RBFOX1: variants seen among roughly 807,000 people sequenced by gnomAD.
RBFOX1 encodes RNA binding protein fox-1 homolog 1.
RBFOX1 carries 8 observed loss-of-function variants against 57.7 expected under a neutral mutation model. That is an observed-to-expected ratio of 0.14 (90% CI 0.08 to 0.25). The LOEUF is 0.25. Ranked by LOEUF, RBFOX1 falls within the 10% of genes least tolerant of loss-of-function variation. RBFOX1 has a pLI of 1.00. For missense variants in RBFOX1, 611 were observed against 548.5 expected (o/e 1.11, Z -1.14); for synonymous variants, 326 against 222.4 (o/e 1.47, Z -4.15).
At chr16:5,366,744 A>G in intron 1 of RBFOX1, 1 of 333,082 alleles carries the variant, frequency 3.0e-6, no homozygotes, top group South Asian at 3.0e-5. Context: ...CATTCCTGTA[A>G]CAGGTGATAT....
At chr16:5,369,292 G>A (rs967183267) in intron 1 of RBFOX1, among the ~76,000 whole-genome samples, 3 of 152,146 alleles carry the variant, frequency 2.0e-5, no homozygotes, top group Admixed American at 6.5e-5. Flanking sequence ...ATAAGCCACC[G>A]TGCCTGGCCC....
chr16:5,465,835 G>T (rs575853148), intron 1 of RBFOX1, among the ~76,000 whole-genome samples: 1 of 152,324 alleles, frequency 6.6e-6, no homozygotes, highest in East Asian at 1.9e-4. Context: ...GGACTGCAAG[G>T]GTTGAATGTG....
chr16:7,259,844 G>C (rs1329725540), intron 4 of RBFOX1, among the ~76,000 whole-genome samples: 1 of 152,148 alleles, frequency 6.6e-6, no homozygotes, highest in African/African-American at 2.4e-5. Context: ...TGTGTAATAA[G>C]AATCTAGTAT....
intron 1 of RBFOX1, among the ~76,000 whole-genome samples, chr16:6,251,410 G>A (rs778627077): frequency 9.9e-5 from 15 of 152,120 alleles, no homozygotes; most frequent in Non-Finnish European, 8.8e-5. Context: ...GTCAGTGTGT[G>A]GAGGGGGCAG....
At chr16:6,495,272 C>G in intron 2 of RBFOX1, among the ~76,000 whole-genome samples, 1 of 152,162 alleles carries the variant, frequency 6.6e-6, no homozygotes, top group African/African-American at 2.4e-5. Flanking sequence ...GTGCCCGCCA[C>G]CATGCCTGGC....
chr16:6,941,439 A>G (rs1003427463), intron 3 of RBFOX1, among the ~76,000 whole-genome samples: 3 of 151,722 alleles, frequency 2.0e-5, no homozygotes, highest in Admixed American at 2.0e-4. Flanking sequence ...CTAATTTAAA[A>G]TAAACACCAA....
At position 5,370,921 on chromosome 16, in the gene RBFOX1, A is replaced by G. The variant is rs568520822; in HGVS notation, c.220-96295A>G. Among the ~76,000 whole-genome samples, 9 of 152,284 alleles carry G rather than the reference A, an allele frequency of 5.9e-5. No individual in the cohort carries two copies. The East Asian group carries it at 1.7e-3, about 29-fold the overall frequency. On this transcript the variant is annotated intron_variant, in intron 1 of 2. Coordinates refer to the RBFOX1 transcript ENST00000585867. Reference sequence around the variant, plus strand: ...TGAACTGAGCAGTGTCCATTTCCCAAATTCACATGTTGAATCCCTAACCCG... The same window carrying G: ...TGAACTGAGCAGTGTCCATTTCCCAGATTCACATGTTGAATCCCTAACCCG...
At chr16:7,305,188 CTG>C (rs1354906101) in intron 4 of RBFOX1, among the ~76,000 whole-genome samples, 1 of 151,650 alleles carries the variant, frequency 6.6e-6, no homozygotes, top group East Asian at 1.9e-4. Flanking sequence ...CTGAGGGAGT[CTG>C]TGTTTGCTTT....
At chr16:6,825,911 A>G (rs2092066463) in intron 3 of RBFOX1, among the ~76,000 whole-genome samples, 1 of 152,154 alleles carries the variant, frequency 6.6e-6, no homozygotes, top group Non-Finnish European at 1.5e-5. Flanking sequence ...GAATCGTGTG[A>G]CTTTAAATTC....
intron 3 of RBFOX1, among the ~76,000 whole-genome samples, chr16:6,802,372 T>A (rs113110153): frequency 2.0e-5 from 3 of 152,168 alleles, no homozygotes; most frequent in Admixed American, 6.5e-5. Flanking sequence ...TTTTAACAGT[T>A]AATGTTAGAA....
Position 7,664,571 on chromosome 16 carries a change from A to T in RBFOX1, c.891-358A>T, listed in dbSNP as rs374174424. On this transcript the variant is annotated intron_variant, in intron 12 of 15. Transcript: ENST00000550418. ...GTGGGGTAGGGGGCTATGTGGTTTG[A>T]TTGCCAACTCTGACCTGTTAAGATG... Among the ~76,000 whole-genome samples the T allele has an allele frequency of 2.7e-4, 41 of 152,174 alleles. No homozygotes were observed. In the South Asian group the frequency reaches 3.1e-3, roughly 12 times the overall value.
chr16:5,339,112 C>T lies in RBFOX1; in HGVS notation c.219+99007C>T, dbSNP rs1457046089. Among the ~76,000 whole-genome samples, 3 of 152,014 alleles carry T rather than the reference C, an allele frequency of 2.0e-5. 1 individual carries two copies. The highest frequency in any genetic ancestry group is 4.8e-5 in the African/African-American group (2 of 41,376). ...GTACAGTAGATCTCTTGAACTCATT[C>T]CTCCTGTATAGCTGAAATGTTGTGT... On this transcript the variant is annotated intron_variant, in intron 1 of 2. Transcript: ENST00000585867.
chr16:6,124,663 C>T (rs904010599), intron 1 of RBFOX1, among the ~76,000 whole-genome samples: 20 of 151,868 alleles, frequency 1.3e-4, no homozygotes, highest in African/African-American at 4.1e-4. Flanking sequence ...CCAGCATGCC[C>T]GGCTAGTTGT....
intron 1 of RBFOX1, among the ~76,000 whole-genome samples, chr16:6,111,768 G>C (rs1274745540): frequency 6.6e-6 from 1 of 152,144 alleles, no homozygotes; most frequent in Non-Finnish European, 1.5e-5. Flanking sequence ...TTTGGGTATA[G>C]GTAGTGGGGT....
rs552858460 is a variant in RBFOX1 at position 6,062,737 on chromosome 16, A to G, written c.-127+42745A>G. On this transcript the variant is annotated intron_variant, in intron 1 of 15. Coordinates refer to ENST00000550418, the MANE Select transcript of RBFOX1 (RefSeq NM_018723.4). ...TACATTTATATCACTATCTCAAGAC[A>G]TGTATCTCTTTGACTATCACTGTGT... 2.9e-4 allele frequency among the ~76,000 whole-genome samples: 44 copies of G among 151,966 alleles called. No individual in the cohort carries two copies. In the South Asian group the frequency reaches 8.9e-3, roughly 31 times the overall value.
At chr16:6,426,945 C>T (rs2093946385) in intron 2 of RBFOX1, among the ~76,000 whole-genome samples, 1 of 152,102 alleles carries the variant, frequency 6.6e-6, no homozygotes, top group African/African-American at 2.4e-5. Context: ...AACTCTCCAT[C>T]AGTGTTTTGC....
chr16:6,268,407 T>G (rs551345656), intron 1 of RBFOX1, among the ~76,000 whole-genome samples: 1 of 152,288 alleles, frequency 6.6e-6, no homozygotes, highest in South Asian at 2.1e-4. Context: ...AGCTTGTGAT[T>G]ATTCTTTTAG....
chr16:5,784,119 G>A (rs1567536861), intron 3 of RBFOX1, among the ~76,000 whole-genome samples: 1 of 152,144 alleles, frequency 6.6e-6, no homozygotes, highest in African/African-American at 2.4e-5. Flanking sequence ...ACTCACGGCA[G>A]AAGGTGAAGA....
At chr16:6,662,228 TTTAA>T (rs1202776127) in intron 3 of RBFOX1, among the ~76,000 whole-genome samples, 7 of 151,952 alleles carry the variant, frequency 4.6e-5, no homozygotes, top group African/African-American at 9.7e-5. Context: ...GTGATGAGAG[TTTAA>T]TTAATGTGTT....
Sources: gnomAD v4.1 joint callset for allele counts (sites outside exome capture counted in the v4.1 genomes callset) on GRCh38, gnomAD v4.1.1 for gene constraint, MANE v1.5 for transcripts, NCBI Gene and HGNC (gene_info 2026-07-23, HGNC 2026-07-21) for gene names.